ANO3: variants seen among roughly 807,000 people sequenced by gnomAD.
ANO3 encodes the protein anoctamin-3.
ANO3 carries 99 observed loss-of-function variants against 144.8 expected under a neutral mutation model. The ratio of observed to expected loss-of-function variants is 0.68; its 90% CI spans 0.58 to 0.81. The LOEUF (loss-of-function observed/expected upper bound fraction) is 0.81, where lower values mean the gene tolerates loss of function less well. Among genes scored for constraint, ANO3 ranks in the 30% least tolerant of loss-of-function variants. The pLI, the probability that ANO3 is intolerant of heterozygous loss-of-function variation, is 0.00. For synonymous variants in ANO3, 414 were observed against 392.6 expected (o/e 1.05, Z -0.64); for missense variants, 905 against 1,202.2 (o/e 0.75, Z 3.66).
At chr11:26,243,110 A>G (rs1852696918) in intron 1 of ANO3, among the ~76,000 whole-genome samples, 1 of 152,218 alleles carries the variant, frequency 6.6e-6, no homozygotes, top group South Asian at 2.1e-4. Context: ...TCCAGGGACC[A>G]TATTTTGAAG....
In ANO3 at chr11:26,515,518, T is replaced by C. The variant is rs148039130; in HGVS notation, c.592-1309T>C. 8.2e-3 allele frequency among the ~76,000 whole-genome samples: 1,241 copies of C among 152,082 alleles called. 24 individuals are homozygous for C. Among genetic ancestry groups the C allele is most frequent in the African/African-American group, 0.029 (1,192 of 41,548 alleles). On this transcript the variant is annotated intron_variant, in intron 5 of 26. Transcript: ENST00000256737. ...CCAATGACATTGGTTCTCTAAGTAT[T>C]GTTTAGAAACATTGGTAATACAAAA...
At chr11:26,265,191 C>T (rs187967916) in intron 1 of ANO3, among the ~76,000 whole-genome samples, 70 of 152,300 alleles carry the variant, frequency 4.6e-4, no homozygotes, top group African/African-American at 1.7e-3. Context: ...CAAGAACTAA[C>T]TTTAGCATCA....
At chr11:26,217,287 C>A (rs982473059) in intron 1 of ANO3, among the ~76,000 whole-genome samples, 3 of 151,994 alleles carry the variant, frequency 2.0e-5, no homozygotes, top group African/African-American at 7.2e-5. Flanking sequence ...AACTTTCCAG[C>A]AGGGATTGGA....
At chr11:26,436,601 A>T (rs977094226) in intron 1 of ANO3, among the ~76,000 whole-genome samples, 4 of 151,844 alleles carry the variant, frequency 2.6e-5, no homozygotes, top group Non-Finnish European at 5.9e-5. Context: ...GTGGCTGGGG[A>T]CCTTGGTCAG....
intron 14 of ANO3, among the ~76,000 whole-genome samples, chr11:26,593,226 G>C (rs186172537): frequency 9.5e-4 from 144 of 152,306 alleles, no homozygotes; most frequent in African/African-American, 2.6e-3. Flanking sequence ...CATACTTAGA[G>C]TCTGTATACA....
At chr11:26,482,335 A>T (rs918890833) in intron 4 of ANO3, among the ~76,000 whole-genome samples, 23 of 151,712 alleles carry the variant, frequency 1.5e-4, no homozygotes, top group African/African-American at 5.1e-4. Context: ...TATGATGGAG[A>T]TTAGTTTTGT....
chr11:26,319,108 C>T (rs1042015697), intron 1 of ANO3, among the ~76,000 whole-genome samples: 1 of 151,350 alleles, frequency 6.6e-6, no homozygotes, highest in Non-Finnish European at 1.5e-5. Flanking sequence ...TCCAACGTAG[C>T]TGGAACTACA....
intron 1 of ANO3, among the ~76,000 whole-genome samples, chr11:26,190,350 G>A (rs1267849826): frequency 6.6e-6 from 1 of 151,866 alleles, no homozygotes; most frequent in Non-Finnish European, 1.5e-5. Flanking sequence ...CAGTATAAGA[G>A]TTCTTATACT....
intron 1 of ANO3, among the ~76,000 whole-genome samples, chr11:26,379,125 C>A (rs1391058132): frequency 2.6e-5 from 4 of 151,826 alleles, no homozygotes; most frequent in Non-Finnish European, 4.4e-5. Flanking sequence ...TAGGAGCCAC[C>A]CTGGAAAGAC....
intron 1 of ANO3, among the ~76,000 whole-genome samples, chr11:26,285,358 T>A (rs1159862778): frequency 6.6e-6 from 1 of 152,202 alleles, no homozygotes; most frequent in Non-Finnish European, 1.5e-5. Flanking sequence ...GTATGAAATT[T>A]GAAAGATGTC....
intron 18 of ANO3, among the ~76,000 whole-genome samples, chr11:26,632,917 A>G (rs907385305): frequency 6.6e-6 from 1 of 152,248 alleles, no homozygotes; most frequent in East Asian, 1.9e-4. Flanking sequence ...AACAACAGTG[A>G]AAGCATGACA....
In ANO3 at chr11:26,422,575, GAC is replaced by G. The variant is rs572202723; in HGVS notation, c.47-19339_47-19338del. Among the ~76,000 whole-genome samples, 149 of 152,064 alleles carry G rather than the reference GAC, an allele frequency of 9.8e-4. 2 individuals carry two copies. In the South Asian group the frequency reaches 0.018, roughly 19 times the overall value. Reference sequence around the variant, plus strand: ...AAAATCTGTTCTGCATGTAAGAAAGGACACATTTCCTATGGGTTTACAGGTTA... The same window carrying G: ...AAAATCTGTTCTGCATGTAAGAAAGGACATTTCCTATGGGTTTACAGGTTA... On this transcript the variant is annotated intron_variant, in intron 1 of 26. Transcript: ENST00000256737.
chr11:26,570,351 ACC>A (rs1850773454), intron 14 of ANO3, among the ~76,000 whole-genome samples: 1 of 151,996 alleles, frequency 6.6e-6, no homozygotes, highest in Admixed American at 6.6e-5. Flanking sequence ...AGGGAAGCAA[ACC>A]CACATTCACT....
At chr11:26,564,724 CACACACACATAT>C (rs1242234511) in intron 14 of ANO3, among the ~76,000 whole-genome samples, 48 of 57,292 alleles carry the variant, frequency 8.4e-4, no homozygotes, top group African/African-American at 2.4e-3. Context: ...CACACACACA[CACACACACATAT>C]ATATATATAT....
intron 5 of ANO3, among the ~76,000 whole-genome samples, chr11:26,511,614 A>G (rs921380212): frequency 6.6e-6 from 1 of 152,178 alleles, no homozygotes; most frequent in South Asian, 2.1e-4. Context: ...AAGGAAAGTA[A>G]ATGGTGCTAA....
chr11:26,194,448 G>GTGTGTA (rs759187461), intron 1 of ANO3, among the ~76,000 whole-genome samples: 15 of 136,884 alleles, frequency 1.1e-4, no homozygotes, highest in Non-Finnish European at 1.7e-4. Flanking sequence ...TGGTGTGTGT[G>GTGTGTA]TGTGTGTGTG....
intron 1 of ANO3, among the ~76,000 whole-genome samples, chr11:26,352,612 CATAA>C: frequency 6.6e-6 from 1 of 152,180 alleles, no homozygotes; most frequent in East Asian, 1.9e-4. Flanking sequence ...TTTGCCAGTA[CATAA>C]ATATTTATCA....
chr11:26,271,418 G>A (rs955804244), intron 1 of ANO3, among the ~76,000 whole-genome samples: 1 of 152,132 alleles, frequency 6.6e-6, no homozygotes, highest in Non-Finnish European at 1.5e-5. Context: ...TCTACTGGAA[G>A]AAAATCATAG....
Position 26,647,822 on chromosome 11 carries a change from G to A in ANO3, c.2542G>A (p.Gly848Ser). The change falls in exon 24 of 27, where the codon GGC becomes AGC. Residue 848 changes from glycine (G) to serine (S), a missense_variant. Gly to Ser is a moderately conservative substitution (Grantham distance 56). Coordinates refer to ENST00000256737, the MANE Select transcript of ANO3 (RefSeq NM_031418.4). The part of the protein sequence containing the change: ...IPRFVYEYKY[G>S]PCANHVEPSE... ...ACGTTTTGTTTATGAATACAAATATGGCCCCTGTGCAAATCATGTAGAACC... is the reference window on the plus strand; with the variant it reads ...ACGTTTTGTTTATGAATACAAATATAGCCCCTGTGCAAATCATGTAGAACC... 1 of 1,613,182 alleles carries A rather than the reference G, an allele frequency of 6.2e-7. No individual in the cohort carries two copies. The highest frequency in any genetic ancestry group is 8.5e-7 in the Non-Finnish European group (1 of 1,179,486).
Sources: gnomAD v4.1 joint callset for allele counts (sites outside exome capture counted in the v4.1 genomes callset) on GRCh38, gnomAD v4.1.1 for gene constraint, MANE v1.5 for transcripts, NCBI Gene and HGNC (gene_info 2026-07-23, HGNC 2026-07-21) for gene names.